Variants in NFAT5 observed in about 807,000 individuals in gnomAD.
NFAT5 encodes the protein nuclear factor of activated T cells 5.
A neutral mutation model predicts 166.5 loss-of-function variants in NFAT5; 31 were observed. The ratio of observed to expected loss-of-function variants is 0.19; its 90% CI spans 0.14 to 0.25. The LOEUF is 0.25. NFAT5 is among the 10% of genes least tolerant of loss of function. The pLI is 1.00. For synonymous variants in NFAT5, 612 were observed against 639.7 expected (o/e 0.96, Z 0.65); for missense variants, 1,449 against 1,821.8 (o/e 0.80, Z 3.72).
intron 4 of NFAT5, among the ~76,000 whole-genome samples, chr16:69,650,281 T>C (rs554962860): frequency 6.6e-6 from 1 of 152,224 alleles, no homozygotes; most frequent in Admixed American, 6.5e-5. Context: ...AACTGACTGC[T>C]ACTTTATTTT....
At chr16:69,631,098 G>A (rs1043757405) in intron 3 of NFAT5, among the ~76,000 whole-genome samples, 2 of 152,150 alleles carry the variant, frequency 1.3e-5, no homozygotes, top group Non-Finnish European at 2.9e-5. Flanking sequence ...ACTGTTTGAA[G>A]TTTCTTTAAA....
chr16:69,671,471 A>G (rs1306597673), intron 9 of NFAT5, among the ~76,000 whole-genome samples: 2 of 152,220 alleles, frequency 1.3e-5, no homozygotes, highest in African/African-American at 4.8e-5. Flanking sequence ...CCCTGGTTCA[A>G]GCAATTCTCC....
In NFAT5 at chr16:69,626,485, C is replaced by A; in HGVS notation, c.210C>A (p.Ser70Arg). 6.3e-7 allele frequency: 1 copy of A among 1,587,766 alleles called. No individual in the cohort carries two copies. Reference protein sequence around the residue: ...ETSVASMSQTSGGEAGSPPPA... With the variant: ...ETSVASMSQTRGGEAGSPPPA... Reference sequence around the variant, plus strand: ...CTGTAGCATCAATGAGTCAGACAAGCGGTGGTGAGGCAGGCTCGCCTCCTC... The same window carrying A: ...CTGTAGCATCAATGAGTCAGACAAGAGGTGGTGAGGCAGGCTCGCCTCCTC... The change falls in exon 3 of 15, where the codon AGC becomes AGA. Residue 70 changes from serine (S) to arginine (R), a missense_variant. Ser to Arg is a moderately radical substitution (Grantham distance 110, BLOSUM62 -1). This residue lies in a region of NFAT5 where 172 missense variants were observed against 194.5 expected (regional missense o/e 0.88). Transcript: ENST00000349945.
intron 3 of NFAT5, among the ~76,000 whole-genome samples, chr16:69,644,239 C>T (rs1597460085): frequency 6.6e-6 from 1 of 151,630 alleles, no homozygotes. Context: ...GAGCCATGAT[C>T]GTGCCACTGC....
Position 69,684,984 on chromosome 16 carries a change from T to C in NFAT5, c.1774+14T>C. ...AGGCCATGAAAGGTACCAAGTAAAT[T>C]CTTCTCAAAAATCGTAATTGGGTGC... On this transcript the variant is annotated intron_variant, in intron 11 of 14. Transcript: ENST00000349945. 1.3e-6 allele frequency: 2 copies of C among 1,594,000 alleles called. No homozygotes were observed. Among genetic ancestry groups the C allele is most frequent in the South Asian group, 2.3e-5 (2 of 88,286 alleles).
At position 69,692,162 on chromosome 16, in the gene NFAT5, T is replaced by G; in HGVS notation, c.2337T>G (p.Ile779Met). 1 of 1,614,146 alleles carries G rather than the reference T, an allele frequency of 6.2e-7. No individual in the cohort carries two copies. The highest frequency in any genetic ancestry group is 2.2e-5 in the East Asian group (1 of 44,886). The change falls in exon 13 of 15, where the codon ATT (isoleucine) becomes ATG (methionine). Residue 779 changes from isoleucine (I) to methionine (M), a missense_variant. Around this residue, in one of 7 missense-constraint regions of NFAT5, gnomAD observed 891 missense variants for 993.0 expected, o/e 0.90. Transcript: ENST00000349945. ...QTLQQQISSN[I>M]FPSPNSVSQL... ...TACAGCAGCAGATTTCATCAAATATTTTTCCATCACCAAATAGTGTGAGTC... is the reference window on the plus strand; with the variant it reads ...TACAGCAGCAGATTTCATCAAATATGTTTCCATCACCAAATAGTGTGAGTC...
intron 7 of NFAT5, among the ~76,000 whole-genome samples, chr16:69,667,882 G>T (rs988923929): frequency 1.3e-5 from 2 of 152,136 alleles, no homozygotes; most frequent in African/African-American, 4.8e-5. Context: ...ATCATTGTCA[G>T]TGTATGACCA....
At chr16:69,605,570 T>A (rs1341060518) in intron 2 of NFAT5, among the ~76,000 whole-genome samples, 2 of 152,242 alleles carry the variant, frequency 1.3e-5, no homozygotes, top group African/African-American at 4.8e-5. Context: ...TTGAGAAACT[T>A]CTTTCTAATT....
chr16:69,688,071 C>T (rs1251202018), intron 11 of NFAT5, among the ~76,000 whole-genome samples: 1 of 150,868 alleles, frequency 6.6e-6, no homozygotes, highest in African/African-American at 2.4e-5. Context: ...TGGCGGGCGC[C>T]TGTAGTCCCA....
intron 3 of NFAT5, among the ~76,000 whole-genome samples, chr16:69,635,556 C>G (rs753484118): frequency 6.6e-6 from 1 of 151,884 alleles, no homozygotes; most frequent in African/African-American, 2.4e-5. Flanking sequence ...AAAGACATAC[C>G]CGAGACTAGA....
chr16:69,578,641 T>G (rs2031459046), intron 2 of NFAT5, among the ~76,000 whole-genome samples: 1 of 152,228 alleles, frequency 6.6e-6, no homozygotes, highest in African/African-American at 2.4e-5. Flanking sequence ...AGCTATCCTT[T>G]ACAATGGAGT....
intron 3 of NFAT5, among the ~76,000 whole-genome samples, chr16:69,630,968 T>C (rs2151588910): frequency 6.6e-6 from 1 of 152,354 alleles, no homozygotes; most frequent in African/African-American, 2.4e-5. Flanking sequence ...TGGACTTTAG[T>C]CTTCATTTTA....
intron 2 of NFAT5, among the ~76,000 whole-genome samples, chr16:69,625,852 GA>G (rs1316741914): frequency 6.6e-6 from 1 of 151,458 alleles, no homozygotes; most frequent in Non-Finnish European, 1.5e-5. Flanking sequence ...TTTTTCTAGA[GA>G]CTATCTTGAA....
Position 69,693,857 on chromosome 16 carries a change from A to G in NFAT5, c.4032A>G (p.Gln1344=). ...APMNQEQQPM[Q]FQSQSTVSSL... is the part of the protein sequence containing the mutation. The stretch of plus-strand genomic sequence containing the variant: ...TGAATCAAGAGCAACAGCCCATGCA[A>G]TTTCAGAGTCAGTCCACAGTTTCCT... Residue 1344 remains glutamine (Q), a synonymous_variant, in exon 13 of 15, where the codon CAA becomes CAG. Transcript: ENST00000349945. 1 of 1,614,186 alleles carries G rather than the reference A, an allele frequency of 6.2e-7. No homozygotes were observed. Among genetic ancestry groups the G allele is most frequent in the East Asian group, 2.2e-5 (1 of 44,884 alleles).
At chr16:69,631,152 G>A (rs569961842) in intron 3 of NFAT5, among the ~76,000 whole-genome samples, 1 of 152,108 alleles carries the variant, frequency 6.6e-6, no homozygotes, top group African/African-American at 2.4e-5. Context: ...ATTAAACTAG[G>A]CCGGGTACAC....
At chr16:69,661,911 T>C (rs1233082534) in intron 7 of NFAT5, among the ~76,000 whole-genome samples, 1 of 152,120 alleles carries the variant, frequency 6.6e-6, no homozygotes, top group East Asian at 1.9e-4. Context: ...TATATTAACT[T>C]CCATATATGT....
chr16:69,631,728 C>T (rs146027122), intron 3 of NFAT5, among the ~76,000 whole-genome samples: 2,844 of 151,976 alleles, frequency 0.019, 91 homozygotes, highest in African/African-American at 0.065. Flanking sequence ...CGGGTTCCAG[C>T]GATTCTCCTG....
intron 2 of NFAT5, among the ~76,000 whole-genome samples, chr16:69,612,814 G>A (rs1386495117): frequency 1.3e-5 from 2 of 151,754 alleles, no homozygotes; most frequent in African/African-American, 4.8e-5. Flanking sequence ...GCTTGAGGCT[G>A]CAGTGAGCTG....
Position 69,647,943 on chromosome 16 carries a change from G to A in NFAT5, c.812+357G>A, listed in dbSNP as rs574056101. Among the ~76,000 whole-genome samples, 13 of 151,924 alleles carry A rather than the reference G, an allele frequency of 8.6e-5. No homozygotes were observed. The highest frequency in any genetic ancestry group is 7.7e-4 in the East Asian group (4 of 5,172). On this transcript the variant is annotated intron_variant, in intron 4 of 14. Transcript: ENST00000349945. This position sits in a 1 kb window ranked among gnomAD's most constrained non-coding sequence, Gnocchi z 4.8. ...TCCCAGCACTTTGGGAGGCCGAGGC[G>A]GGCGGATCACCTGAGGTCAGGAGTT...
Sources: allele counts gnomAD v4.1 joint callset (sites outside exome capture counted in the v4.1 genomes callset), GRCh38; gene constraint gnomAD v4.1.1; regional missense constraint gnomAD v4.1.1; non-coding constraint Gnocchi (gnomAD v3.1); transcripts MANE v1.5; gene names NCBI Gene and HGNC (gene_info 2026-07-23, HGNC 2026-07-21).